The following STK32B variants were observed in gnomAD, a reference collection of about 807,000 sequenced individuals.
STK32B encodes serine/threonine kinase 32B, also known as serine/threonine-protein kinase 32B.
In STK32B, 43 loss-of-function variants were observed where a neutral mutation model predicts 52.6. That is an observed-to-expected ratio of 0.82 (90% CI 0.64 to 1.05). STK32B has a LOEUF of 1.05. Ranked by LOEUF, STK32B falls within the 50% of genes least tolerant of loss-of-function variation. The pLI is 0.00. For missense variants in STK32B, 621 were observed against 534.6 expected (o/e 1.16, Z -1.59); for synonymous variants, 238 against 204.3 (o/e 1.17, Z -1.41).
intron 11 of STK32B, among the ~76,000 whole-genome samples, chr4:5,491,348 A>T (rs944503221): frequency 6.6e-6 from 1 of 151,998 alleles, no homozygotes; most frequent in Non-Finnish European, 1.5e-5. Context: ...GCATTTTTTC[A>T]TGTGTTTTTT....
intron 3 of STK32B, among the ~76,000 whole-genome samples, chr4:5,309,808 G>A (rs1730170533): frequency 6.6e-6 from 1 of 152,146 alleles, no homozygotes; most frequent in Non-Finnish European, 1.5e-5. Context: ...AATGCTTCAG[G>A]ACATTGGTCT....
At chr4:5,452,424 G>C (rs1282805373) in intron 7 of STK32B, among the ~76,000 whole-genome samples, 1 of 152,150 alleles carries the variant, frequency 6.6e-6, no homozygotes, top group African/African-American at 2.4e-5. Context: ...TGTGCCAGGA[G>C]TCACAAGCCT....
At position 5,453,779 on chromosome 4, in the gene STK32B, C is replaced by T. The variant is rs527709134; in HGVS notation, c.667-3028C>T. On this transcript the variant is annotated intron_variant, in intron 7 of 11. Transcript: ENST00000282908. The surrounding 1 kb of genome is among the most constrained non-coding windows in gnomAD (Gnocchi z 4.0). ...GATTAGTGGGGCATGGTGACGCGTG[C>T]CTGTAATCCCAGCTACTTGGGAGAC... 6.6e-6 allele frequency among the ~76,000 whole-genome samples: 1 copy of T among 152,118 alleles called. No homozygotes were observed.
intron 1 of STK32B, among the ~76,000 whole-genome samples, chr4:5,063,086 T>G (rs1468697589): frequency 6.6e-6 from 1 of 152,178 alleles, no homozygotes; most frequent in East Asian, 1.9e-4. Flanking sequence ...TGCATATATA[T>G]CAGATTTCCT....
intron 1 of STK32B, among the ~76,000 whole-genome samples, chr4:5,069,167 A>C (rs1711602285): frequency 6.8e-6 from 1 of 146,660 alleles, no homozygotes; most frequent in Admixed American, 6.8e-5. Context: ...TTTGTGTTTT[A>C]GTTCAAGGTA....
intron 1 of STK32B, among the ~76,000 whole-genome samples, chr4:5,067,260 C>T (rs1742459877): frequency 6.6e-6 from 1 of 152,186 alleles, no homozygotes; most frequent in South Asian, 2.1e-4. Flanking sequence ...CCTCATGATT[C>T]ATTTATCTCC....
At chr4:5,039,416 G>A in the STK32B span, among the ~76,000 whole-genome samples, 1 of 152,092 alleles carries the variant, frequency 6.6e-6, no homozygotes, top group Non-Finnish European at 1.5e-5. Context: ...CACAGGGTCG[G>A]GATCATCAAT....
At chr4:5,182,043 A>C (rs1005820419) in intron 3 of STK32B, among the ~76,000 whole-genome samples, 2 of 152,232 alleles carry the variant, frequency 1.3e-5, no homozygotes, top group South Asian at 4.1e-4. Context: ...TTTGTTATTG[A>C]TTCAGAAATA....
chr4:5,104,548 A>G (rs915633475), intron 1 of STK32B, among the ~76,000 whole-genome samples: 5 of 152,238 alleles, frequency 3.3e-5, no homozygotes, highest in Admixed American at 6.5e-5. Context: ...ATGAAATATT[A>G]CCTACAGCAA....
intron 3 of STK32B, among the ~76,000 whole-genome samples, chr4:5,295,483 C>T (rs926361382): frequency 3.3e-5 from 5 of 152,052 alleles, no homozygotes; most frequent in African/African-American, 1.2e-4. Context: ...GATTTGACTC[C>T]TTCCTTGTTT....
At position 5,499,203 on chromosome 4, in the gene STK32B, C is replaced by T. The variant is rs1466566555; in HGVS notation, c.*120C>T. On this transcript the variant is annotated 3_prime_UTR_variant, in exon 12 of 12. Transcript: ENST00000282908. The stretch of plus-strand genomic sequence containing the variant: ...TGAAAACATCAGATGCAGAAAAAGC[C>T]CTGGACTTGGAGCTGGGAAGCCTGG... 1.3e-5 allele frequency: 18 copies of T among 1,357,348 alleles called. No individual in the cohort carries two copies. Among genetic ancestry groups the T allele is most frequent in the South Asian group, 6.8e-5 (4 of 58,904 alleles). 84.1% of individuals were successfully genotyped at this position (1,357,348 alleles called of 1,614,324 possible).
chr4:5,282,035 G>A (rs1560283740), intron 3 of STK32B, among the ~76,000 whole-genome samples: 1 of 151,920 alleles, frequency 6.6e-6, no homozygotes, highest in East Asian at 1.9e-4. Flanking sequence ...TTTGATATAT[G>A]TATACAATAT....
intron 1 of STK32B, among the ~76,000 whole-genome samples, chr4:5,124,060 C>T (rs1577083830): frequency 6.6e-6 from 1 of 152,158 alleles, no homozygotes; most frequent in Non-Finnish European, 1.5e-5. Flanking sequence ...GGTAAATTCT[C>T]ATATCATCTA....
chr4:5,404,689 C>T (rs1737536062), intron 5 of STK32B, among the ~76,000 whole-genome samples: 1 of 151,694 alleles, frequency 6.6e-6, no homozygotes, highest in African/African-American at 2.4e-5. Context: ...GCGTGTTACC[C>T]TCCTCGCTCC....
chr4:5,093,033 G>C (rs1038219262), intron 1 of STK32B, among the ~76,000 whole-genome samples: 1 of 152,012 alleles, frequency 6.6e-6, no homozygotes, highest in African/African-American at 2.4e-5. Flanking sequence ...GAACTGTGCA[G>C]GTCCACTTAT....
chr4:5,446,845 G>A, intron 7 of STK32B, 69 bp downstream of exon 7: 2 of 1,506,172 alleles, frequency 1.3e-6, no homozygotes, highest in Non-Finnish European at 9.2e-7. Flanking sequence ...ACCTGGACGG[G>A]CAGAGTCGGC....
the STK32B span, among the ~76,000 whole-genome samples, chr4:5,039,523 C>T: frequency 1.3e-5 from 2 of 152,176 alleles, no homozygotes; most frequent in South Asian, 2.1e-4. Context: ...TCTAGAATCC[C>T]TCCTGGGGGA....
intron 2 of STK32B, among the ~76,000 whole-genome samples, chr4:5,162,466 G>C (rs998953329): frequency 7.2e-5 from 11 of 152,204 alleles, no homozygotes; most frequent in Non-Finnish European, 1.2e-4. Flanking sequence ...GTATGCTCCA[G>C]CCACCTTCTC....
rs752840757 is a variant in STK32B, at chr4:5,446,662, C to G, written c.563-11C>G. On this transcript the variant is annotated splice_polypyrimidine_tract_variant and intron_variant, in intron 6 of 11. Coordinates refer to ENST00000282908, the MANE Select transcript of STK32B (RefSeq NM_018401.3). Reference sequence around the variant, plus strand: ...TACACAATGATGTTCTCCTTGTCCTCTCGTTGGCAGCTCCAGAAGTATTCC... The same window carrying G: ...TACACAATGATGTTCTCCTTGTCCTGTCGTTGGCAGCTCCAGAAGTATTCC... The G allele has an allele frequency of 9.3e-6, 15 of 1,613,400 alleles. No individual in the cohort carries two copies. The South Asian group carries it at 1.5e-4, about 17-fold the overall frequency.
Sources: gnomAD v4.1 joint callset for allele counts (sites outside exome capture counted in the v4.1 genomes callset) on GRCh38, gnomAD v4.1.1 for gene constraint, Gnocchi (gnomAD v3.1) non-coding constraint, MANE v1.5 for transcripts, NCBI Gene and HGNC (gene_info 2026-07-23, HGNC 2026-07-21) for gene names.